Variants in KIAA1217 observed in about 807,000 individuals in gnomAD.
KIAA1217 encodes KIAA1217.
A neutral mutation model predicts 163.9 loss-of-function variants in KIAA1217; 88 were observed. The observed-to-expected ratio is 0.54, with a 90% CI of 0.45 to 0.64. KIAA1217 has a LOEUF of 0.64. Among genes scored for constraint, KIAA1217 ranks in the 30% least tolerant of loss-of-function variants. The pLI is 0.00. For synonymous variants in KIAA1217, 903 were observed against 923.1 expected, an observed-to-expected ratio of 0.98 and a Z score of 0.39; for missense variants, 2,372 against 2,475.0, an observed-to-expected ratio of 0.96 and a Z score of 0.88.
At chr10:23,798,945 A>C (rs540621903) in intron 1 of KIAA1217, among the ~76,000 whole-genome samples, 1 of 152,322 alleles carries the variant, frequency 6.6e-6, no homozygotes, top group African/African-American at 2.4e-5. Flanking sequence ...ATATTGTCTC[A>C]CATTTCTGGA....
At chr10:23,957,219 G>C (rs1399895752) in intron 1 of KIAA1217, among the ~76,000 whole-genome samples, 1 of 152,016 alleles carries the variant, frequency 6.6e-6, no homozygotes, top group Non-Finnish European at 1.5e-5. Context: ...CGTGTGCCTG[G>C]CCAGTATCCC....
At chr10:24,351,337 A>G (rs961077002) in intron 2 of KIAA1217, among the ~76,000 whole-genome samples, 3 of 152,150 alleles carry the variant, frequency 2.0e-5, no homozygotes, top group East Asian at 3.9e-4. Flanking sequence ...AAGAGTCTGT[A>G]TCTTCTTCCC....
At chr10:23,718,646 A>AC (rs1837700009) in intron 1 of KIAA1217, among the ~76,000 whole-genome samples, 1 of 152,150 alleles carries the variant, frequency 6.6e-6, no homozygotes, top group East Asian at 1.9e-4. Context: ...AAAAAAAAAA[A>AC]ACTTTTACAG....
chr10:23,861,427 C>T (rs893470181), intron 1 of KIAA1217, among the ~76,000 whole-genome samples: 1 of 152,142 alleles, frequency 6.6e-6, no homozygotes, highest in Admixed American at 6.6e-5. Context: ...GCCCTGATTC[C>T]TGGGAGCTGT....
chr10:23,892,482 C>T (rs1841456839), intron 1 of KIAA1217, among the ~76,000 whole-genome samples: 3 of 151,882 alleles, frequency 2.0e-5, no homozygotes, highest in South Asian at 2.1e-4. Flanking sequence ...TGAGTCATCT[C>T]TCATAATATG....
chr10:24,001,435 A>G (rs1334574863), intron 1 of KIAA1217, among the ~76,000 whole-genome samples: 2 of 152,270 alleles, frequency 1.3e-5, no homozygotes, highest in Admixed American at 1.3e-4. Context: ...AAAGTAAACA[A>G]GTATTTAAGT....
At chr10:23,753,172 A>G (rs1184951358) in intron 1 of KIAA1217, among the ~76,000 whole-genome samples, 3 of 152,206 alleles carry the variant, frequency 2.0e-5, no homozygotes, top group African/African-American at 7.2e-5. Context: ...TGGTGCCAAA[A>G]ATGGAGCTGG....
rs543711724 is a variant in KIAA1217 at position 23,818,026 on chromosome 10, C to T, written c.-321+122792C>T. Among the ~76,000 whole-genome samples the T allele has an allele frequency of 2.3e-4, 29 of 123,874 alleles. 1 individual carries two copies. Among genetic ancestry groups the T allele is most frequent in the African/African-American group, 9.7e-4 (28 of 28,986 alleles). 81.3% of individuals were successfully genotyped at this position (123,874 alleles called of 152,430 possible). On this transcript the variant is annotated intron_variant, in intron 1 of 18. Transcript: ENST00000376462. The stretch of plus-strand genomic sequence containing the variant: ...ATATATATACACACATATATATACA[C>T]ACATATATATACATATATATACACA...
At chr10:24,004,943 T>A (rs955909769) in intron 1 of KIAA1217, among the ~76,000 whole-genome samples, 1 of 152,084 alleles carries the variant, frequency 6.6e-6, no homozygotes, top group African/African-American at 2.4e-5. Context: ...AGGACCAAAG[T>A]GGGAAGGTTC....
At chr10:24,412,762 C>T (rs184983713) in intron 3 of KIAA1217, among the ~76,000 whole-genome samples, 52 of 152,254 alleles carry the variant, frequency 3.4e-4, no homozygotes, top group South Asian at 1.5e-3. Context: ...TGGATCCTGC[C>T]GCATGGTGCC....
intron 2 of KIAA1217, among the ~76,000 whole-genome samples, chr10:24,051,152 T>G (rs1713254049): frequency 1.3e-5 from 2 of 152,216 alleles, no homozygotes; most frequent in South Asian, 4.1e-4. Flanking sequence ...TAGCTCCTGC[T>G]TATAAGTGAG....
chr10:24,395,577 A>T (rs1264364983), intron 3 of KIAA1217, among the ~76,000 whole-genome samples: 2 of 152,184 alleles, frequency 1.3e-5, no homozygotes, highest in Admixed American at 6.5e-5. Flanking sequence ...TTGGAACAAG[A>T]TGCTCTATGC....
intron 1 of KIAA1217, among the ~76,000 whole-genome samples, chr10:23,776,723 C>G (rs1481819311): frequency 1.4e-5 from 2 of 145,178 alleles, no homozygotes; most frequent in Non-Finnish European, 3.0e-5. Context: ...CTCTGTCACC[C>G]AGGCTGGAAT....
chr10:24,370,946 C>T (rs143183127), intron 2 of KIAA1217, among the ~76,000 whole-genome samples: 12 of 152,194 alleles, frequency 7.9e-5, no homozygotes, highest in African/African-American at 2.6e-4. Flanking sequence ...ATTGCATGAA[C>T]GTATTTCTGA....
At chr10:24,204,967 CT>C (rs1430918014), upstream of KIAA1217, among the ~76,000 whole-genome samples, 1 of 152,168 alleles carries the variant, frequency 6.6e-6, no homozygotes. Flanking sequence ...TTAATTGACT[CT>C]CACAGTTATG....
intron 10 of KIAA1217, among the ~76,000 whole-genome samples, chr10:24,519,758 T>TTTCTCTCTTTCTCCCTCTCTCTCC (rs2070787770): frequency 1.3e-5 from 2 of 152,066 alleles, no homozygotes; most frequent in Non-Finnish European, 2.9e-5. Context: ...TCTCTCTCTC[T>TTTCTCTCTTTCTCCCTCTCTCTCC]TTCTCTCTTT....
chr10:24,475,332 AAAG>A (rs1421068643), intron 6 of KIAA1217, among the ~76,000 whole-genome samples: 1 of 152,204 alleles, frequency 6.6e-6, no homozygotes, highest in Non-Finnish European at 1.5e-5. Flanking sequence ...TACCATGTAA[AAAG>A]AAGGCCAAAA....
At chr10:24,210,919 T>C (rs983687967) in intron 1 of KIAA1217, among the ~76,000 whole-genome samples, 7 of 150,196 alleles carry the variant, frequency 4.7e-5, no homozygotes, top group African/African-American at 1.7e-4. Context: ...CAGCTAAATT[T>C]GAATTTCAGG....
intron 1 of KIAA1217, among the ~76,000 whole-genome samples, chr10:23,995,018 G>T (rs898901028): frequency 3.3e-5 from 5 of 152,138 alleles, no homozygotes; most frequent in Non-Finnish European, 7.4e-5. Context: ...GCTTTTCCGT[G>T]TCTTTTAAAG....
Sources: gnomAD v4.1 joint callset for allele counts (sites outside exome capture counted in the v4.1 genomes callset) on GRCh38, gnomAD v4.1.1 for gene constraint, MANE v1.5 for transcripts, NCBI Gene and HGNC (gene_info 2026-07-23, HGNC 2026-07-21) for gene names.